CENPL: variants seen among roughly 807,000 people sequenced by gnomAD.
CENPL encodes the protein centromere protein L, also known as interphase centromere complex protein 33.
CENPL carries 20 observed loss-of-function variants against 35.2 expected under a neutral mutation model. The ratio of observed to expected loss-of-function variants is 0.57; its 90% CI spans 0.40 to 0.83. CENPL has a LOEUF of 0.83. CENPL is among the 40% of genes least tolerant of loss of function. The probability of loss-of-function intolerance (pLI) is 0.00; values close to 1 mark genes in which losing one functional copy is unlikely to be tolerated. For synonymous variants in CENPL, 140 were observed against 140.6 expected (o/e 1.00, Z 0.03); for missense variants, 363 against 395.8 (o/e 0.92, Z 0.70).
intron 5 of CENPL, among the ~76,000 whole-genome samples, chr1:173,802,207 CT>C (rs891212360): frequency 0.018 from 2,687 of 147,328 alleles, 51 homozygotes; most frequent in African/African-American, 0.044. Context: ...ATTTCTGATA[CT>C]TTTTTTTTTT....
intron 2 of CENPL, among the ~76,000 whole-genome samples, chr1:173,812,278 T>G (rs997890533): frequency 2.0e-5 from 3 of 152,256 alleles, no homozygotes; most frequent in African/African-American, 7.2e-5. Context: ...GTCTGCAGAC[T>G]TAAACATCCC....
intron 3 of CENPL, among the ~76,000 whole-genome samples, chr1:173,810,216 T>C (rs1650671878): frequency 6.6e-6 from 1 of 152,178 alleles, no homozygotes. Context: ...TGCAGGGACA[T>C]GGATGGAGCT....
At position 173,807,312 on chromosome 1, in the gene CENPL, T is replaced by C; in HGVS notation, c.375A>G (p.Leu125=). ...GGTCCCTTTGTGTTCCTTTCATTCC[T>C]AGGAGAGTAGAAAAAATCACTTTGA... ...FNIKVIFSTL[L]GMKGTQRDPE... The change falls in exon 4 of 6, where the codon CTA becomes CTG. Residue 125 remains leucine (L), a synonymous_variant. Coordinates refer to ENST00000682279, the MANE Select transcript of CENPL (RefSeq NM_001387287.1). 1 of 1,613,444 alleles carries C rather than the reference T, an allele frequency of 6.2e-7. No homozygotes were observed. The highest frequency in any genetic ancestry group is 8.5e-7 in the Non-Finnish European group (1 of 1,179,570).
chr1:173,809,668 C>T (rs1434940348), intron 3 of CENPL, among the ~76,000 whole-genome samples: 1 of 150,070 alleles, frequency 6.7e-6, no homozygotes, highest in Non-Finnish European at 1.5e-5. Flanking sequence ...TAAGCAGACA[C>T]TTCTCAAAAG....
chr1:173,807,648 T>C, intron 3 of CENPL, 130 bp from the exon 4 acceptor site: 1 of 668,752 alleles, frequency 1.5e-6, no homozygotes, highest in Admixed American at 3.2e-5. Context: ...CCAAATGAGT[T>C]TGCAGGACTT....
At chr1:173,801,383 T>C (rs1273603077) in intron 5 of CENPL, among the ~76,000 whole-genome samples, 1 of 148,600 alleles carries the variant, frequency 6.7e-6, no homozygotes, top group Non-Finnish European at 1.5e-5. Flanking sequence ...AGTATGGTGG[T>C]GGAGCCTGTA....
Position 173,800,301 on chromosome 1 carries a change from G to T in CENPL, c.*147C>A. On this transcript the variant is annotated 3_prime_UTR_variant, in exon 6 of 6. Coordinates refer to ENST00000682279, the MANE Select transcript of CENPL (RefSeq NM_001387287.1). ...TCTTTGTTCTTCTAGATCCTTCTTG[G>T]CTTCCATCTTGGCAACTCCAAAGGC... 1 of 513,400 alleles carries T rather than the reference G, an allele frequency of 1.9e-6. No individual in the cohort carries two copies. Among genetic ancestry groups the T allele is most frequent in the Non-Finnish European group, 3.6e-6 (1 of 281,118 alleles). 31.8% of individuals were successfully genotyped at this position (513,400 alleles called of 1,614,324 possible).
At chr1:173,816,197 T>C (rs1651359275) in intron 2 of CENPL, among the ~76,000 whole-genome samples, 2 of 152,116 alleles carry the variant, frequency 1.3e-5, no homozygotes, top group Admixed American at 1.3e-4. Context: ...CACAAACAAA[T>C]GGAAGAACAT....
rs538592242 is a variant in CENPL, at chr1:173,807,454, G to A, written c.233C>T (p.Thr78Ile). The stretch of plus-strand genomic sequence containing the variant: ...ACTATAGGAGAATTTATATAAGGGA[G>A]TTAAACTATATAAAGTCCACTGTTT... ...LHKQWTLYSL[T>I]PLYKFSYSNL... Residue 78 changes from threonine to isoleucine, a missense_variant, in exon 4 of 6, where the codon ACT (threonine) becomes ATT (isoleucine). Physicochemically the swap from Thr to Ile is moderately conservative, Grantham distance 89. Coordinates refer to ENST00000682279, the MANE Select transcript of CENPL (RefSeq NM_001387287.1). 1.9e-6 allele frequency: 3 copies of A among 1,599,682 alleles called. No homozygotes were observed. Among genetic ancestry groups the A allele is most frequent in the African/African-American group, 1.3e-5 (1 of 74,752 alleles).
intron 4 of CENPL, among the ~76,000 whole-genome samples, chr1:173,804,791 T>TTTA (rs1650059159): frequency 8.2e-5 from 2 of 24,490 alleles, no homozygotes; most frequent in African/African-American, 4.5e-3. Context: ...CCCCTCAAAC[T>TTTA]AAATTTTAAG....
Position 173,811,176 on chromosome 1 carries a change from G to A in CENPL, c.124C>T (p.Leu42=), listed in dbSNP as rs753688759. The change falls in exon 3 of 6, where the codon CTG becomes TTG. Residue 42 remains leucine (L), a synonymous_variant. Coordinates refer to ENST00000682279, the MANE Select transcript of CENPL (RefSeq NM_001387287.1). ...ESVRKQSSFI[L]TPPRRKIPQC... ...GGAATTTTCCTTCGAGGTGGAGTCA[G>A]GATAAATGAACTCTGCTTCCTGACC... The A allele has an allele frequency of 8.1e-6, 13 of 1,614,022 alleles. 1 individual carries two copies. In the East Asian group the frequency reaches 2.5e-4, roughly 30 times the overall value.
chr1:173,803,963 G>T (rs12085894), intron 4 of CENPL, among the ~76,000 whole-genome samples: 13,847 of 152,060 alleles, frequency 0.091, 2,039 homozygotes, highest in African/African-American at 0.31. Context: ...TGAGCTACCA[G>T]GCCCGGCCCC....
At chr1:173,813,478 C>T (rs9425747) in intron 2 of CENPL, among the ~76,000 whole-genome samples, 13,845 of 152,182 alleles carry the variant, frequency 0.091, 2,040 homozygotes, top group African/African-American at 0.31. Context: ...GCGGATCTCT[C>T]GGCAGAAACT....
At chr1:173,811,664 G>C (rs1168625200) in intron 2 of CENPL, among the ~76,000 whole-genome samples, 2 of 152,204 alleles carry the variant, frequency 1.3e-5, no homozygotes, top group Non-Finnish European at 2.9e-5. Context: ...ACATTCTACT[G>C]AATTTTTCTG....
Position 173,807,463 on chromosome 1 carries a change from TATAA to T in CENPL, c.220_223del (p.Leu74IlefsTer3), listed in dbSNP as rs1650340034. On this transcript the variant is annotated frameshift_variant, in exon 4 of 6. Coordinates refer to ENST00000682279, the MANE Select transcript of CENPL (RefSeq NM_001387287.1). LOFTEE classifies it high-confidence loss of function. ...GAATTTATATAAGGGAGTTAAACTA[TATAA>T]AGTCCACTGTTTATGCAGAAGGAAT... is the stretch of plus-strand genomic sequence containing the variant. 1.9e-6 allele frequency: 3 copies of T among 1,593,220 alleles called. No homozygotes were observed. The highest frequency in any genetic ancestry group is 2.6e-6 in the Non-Finnish European group (3 of 1,166,656).
At chr1:173,811,791 T>G (rs929470895) in intron 2 of CENPL, among the ~76,000 whole-genome samples, 2 of 152,222 alleles carry the variant, frequency 1.3e-5, no homozygotes, top group Non-Finnish European at 2.9e-5. Flanking sequence ...CTGAGGTAAC[T>G]GGTTCATCTC....
chr1:173,801,167 G>A (rs1055279566), intron 5 of CENPL, among the ~76,000 whole-genome samples: 1 of 152,004 alleles, frequency 6.6e-6, no homozygotes, highest in Non-Finnish European at 1.5e-5. Context: ...TATCTTGCTT[G>A]TCATTTAAAC....
intron 4 of CENPL, among the ~76,000 whole-genome samples, chr1:173,806,278 A>T (rs2102571921): frequency 6.6e-6 from 1 of 152,304 alleles, no homozygotes; most frequent in Admixed American, 6.5e-5. Flanking sequence ...AGCAGCAGGC[A>T]TGAATAATAA....
intron 2 of CENPL, among the ~76,000 whole-genome samples, chr1:173,811,832 C>T (rs756054971): frequency 6.6e-6 from 1 of 152,212 alleles, no homozygotes; most frequent in Non-Finnish European, 1.5e-5. Context: ...GGGTGCAGCC[C>T]ATGGAGGGTG....
Sources: gnomAD v4.1 joint callset for allele counts (sites outside exome capture counted in the v4.1 genomes callset) on GRCh38, gnomAD v4.1.1 for gene constraint, MANE v1.5 for transcripts, NCBI Gene and HGNC (gene_info 2026-07-23, HGNC 2026-07-21) for gene names.